VRK2: variants seen among roughly 807,000 people sequenced by gnomAD.
VRK2 encodes VRK serine/threonine kinase 2.
VRK2 carries 60 observed loss-of-function variants against 57.6 expected under a neutral mutation model. That is an observed-to-expected ratio of 1.04 (90% CI 0.85 to 1.29). The LOEUF is 1.29. Among genes scored for constraint, VRK2 ranks in the 50% most tolerant of loss-of-function variants. The pLI, the probability that VRK2 is intolerant of heterozygous loss-of-function variation, is 0.00. For synonymous variants in VRK2, 231 were observed against 199.2 expected (o/e 1.16, Z -1.35); for missense variants, 705 against 588.1 (o/e 1.20, Z -2.06).
intron 1 of VRK2, among the ~76,000 whole-genome samples, chr2:57,961,929 T>C (rs1671774010): frequency 1.3e-5 from 2 of 151,902 alleles, no homozygotes; most frequent in African/African-American, 2.4e-5. Context: ...AGACAAAAAT[T>C]AGCTGGGCAC....
intron 1 of VRK2, among the ~76,000 whole-genome samples, chr2:57,923,138 T>C (rs1324098110): frequency 2.0e-5 from 3 of 152,074 alleles, no homozygotes; most frequent in Non-Finnish European, 4.4e-5. Context: ...GACACTTAGG[T>C]TGCTTCCAAA....
rs1680549626 is a variant in VRK2 at position 58,137,202 on chromosome 2, C to CATATATATGATACATGTA, written c.856+2003_856+2004insATATATATGATACATGTA. On this transcript the variant is annotated intron_variant, in intron 10 of 12. Coordinates refer to ENST00000340157, the MANE Select transcript of VRK2 (RefSeq NM_006296.7). The stretch of plus-strand genomic sequence containing the variant: ...TATATCATATATGATACATATATAT[C>CATATATATGATACATGTA]TCATATATGATACATATATATCATA... Among the ~76,000 whole-genome samples, 29 of 27,348 alleles carry CATATATATGATACATGTA rather than the reference C, an allele frequency of 1.1e-3. 1 individual carries two copies. The highest frequency in any genetic ancestry group is 4.5e-3 in the African/African-American group (26 of 5,842). 17.9% of individuals were successfully genotyped at this position (27,348 alleles called of 152,430 possible).
At chr2:57,988,096 T>G (rs1460686428) in intron 1 of VRK2, among the ~76,000 whole-genome samples, 1 of 152,158 alleles carries the variant, frequency 6.6e-6, no homozygotes, top group Non-Finnish European at 1.5e-5. Flanking sequence ...GTTACACAAC[T>G]GTACATATCT....
At chr2:57,995,481 T>A (rs1026126250) in intron 1 of VRK2, among the ~76,000 whole-genome samples, 4 of 152,354 alleles carry the variant, frequency 2.6e-5, no homozygotes, top group Non-Finnish European at 5.9e-5. Context: ...ATAGTTTCAT[T>A]TCATTCATTA....
chr2:58,114,216 G>A (rs542370148), intron 7 of VRK2, among the ~76,000 whole-genome samples: 1 of 152,280 alleles, frequency 6.6e-6, no homozygotes, highest in African/African-American at 2.4e-5. Flanking sequence ...ATTAGAGAGT[G>A]CCTAAGGAGA....
Position 57,969,454 on chromosome 2 carries a change from T to A in VRK2, c.-438-56211T>A, listed in dbSNP as rs1280470619. 6.6e-5 allele frequency among the ~76,000 whole-genome samples: 10 copies of A among 152,018 alleles called. No homozygotes were observed. In the East Asian group the frequency reaches 9.6e-4, roughly 15 times the overall value. ...TTATTTTTTATTTACACTTTTAATT[T>A]AAAAAAATAACAATTTAGAAGAATA... On this transcript the variant is annotated intron_variant, in intron 1 of 15. Transcript: ENST00000417641.
Position 58,086,397 on chromosome 2 carries a change from A to G in VRK2, c.315A>G (p.Gly105=), listed in dbSNP as rs768044042. ...LDYLGIPLFY[G]SGLTEFKGRS... ...ATTTAGGAATTCCTCTGTTTTATGG[A>G]TCTGGTCTGACTGAATTCAAGGGAA... is the stretch of plus-strand genomic sequence containing the variant. The change falls in exon 5 of 13, where the codon GGA becomes GGG. Residue 105 remains glycine (G), a synonymous_variant. Transcript: ENST00000340157. 1.2e-6 allele frequency: 2 copies of G among 1,603,610 alleles called. No individual in the cohort carries two copies. The highest frequency in any genetic ancestry group is 3.5e-5 in the Admixed American group (2 of 57,374).
chr2:58,086,083 A>G (rs1297497218), intron 4 of VRK2, among the ~76,000 whole-genome samples: 2 of 151,432 alleles, frequency 1.3e-5, no homozygotes, highest in African/African-American at 2.4e-5. Context: ...ATAGATTGAA[A>G]CATTAATATA....
chr2:58,043,974 C>G (rs1163064597), upstream of VRK2, among the ~76,000 whole-genome samples: 1 of 152,040 alleles, frequency 6.6e-6, no homozygotes, highest in African/African-American at 2.4e-5. Context: ...ATTTTTTATA[C>G]TTTATAAGTG....
chr2:58,143,890 A>G (rs543606585), intron 11 of VRK2, among the ~76,000 whole-genome samples: 2 of 151,844 alleles, frequency 1.3e-5, no homozygotes, highest in Non-Finnish European at 2.9e-5. Flanking sequence ...TTGTGGTTAT[A>G]GAACACATTT....
chr2:57,962,374 A>G (rs1671787656), intron 1 of VRK2, among the ~76,000 whole-genome samples: 1 of 151,162 alleles, frequency 6.6e-6, no homozygotes, highest in South Asian at 2.1e-4. Context: ...TTTCTGACCA[A>G]CTCTGCCCCA....
chr2:58,036,806 C>G (rs1464341822), intron 3 of VRK2, among the ~76,000 whole-genome samples: 1 of 151,964 alleles, frequency 6.6e-6, no homozygotes, highest in African/African-American at 2.4e-5. Flanking sequence ...CAACATAACT[C>G]TCTATAATGA....
intron 12 of VRK2, among the ~76,000 whole-genome samples, chr2:58,154,012 G>C (rs1003900602): frequency 1.3e-5 from 2 of 152,054 alleles, no homozygotes; most frequent in East Asian, 3.9e-4. Context: ...TTCATCTTGA[G>C]TTAGTTTTGG....
At chr2:58,060,442 A>G (rs1264138309) in intron 2 of VRK2, among the ~76,000 whole-genome samples, 2 of 151,832 alleles carry the variant, frequency 1.3e-5, no homozygotes, top group African/African-American at 2.4e-5. Flanking sequence ...AGGGAGTTAA[A>G]TTTATAAATG....
rs536973892 is a variant in VRK2 at position 57,935,484 on chromosome 2, T to C, written c.-439+27645T>C. Among the ~76,000 whole-genome samples, 7 of 152,318 alleles carry C rather than the reference T, an allele frequency of 4.6e-5. No individual in the cohort carries two copies. The South Asian group carries it at 1.0e-3, about 23-fold the overall frequency. On this transcript the variant is annotated intron_variant, in intron 1 of 15. Coordinates refer to the VRK2 transcript ENST00000417641. The stretch of plus-strand genomic sequence containing the variant: ...GTAGGGTCAAATCATCTGTGTGAGA[T>C]GCTTGCTTTTCCTATCCTTAGGTAT...
chr2:57,992,157 C>A (rs1460255184), intron 1 of VRK2, among the ~76,000 whole-genome samples: 2 of 152,010 alleles, frequency 1.3e-5, no homozygotes, highest in African/African-American at 4.8e-5. Context: ...TTTAGGGTGG[C>A]AATAATTAGT....
At chr2:58,057,673 C>T (rs1452557689) in intron 2 of VRK2, among the ~76,000 whole-genome samples, 2 of 152,020 alleles carry the variant, frequency 1.3e-5, no homozygotes, top group African/African-American at 2.4e-5. Flanking sequence ...GTAAGCACAA[C>T]GTTAACAGAA....
At chr2:58,091,437 T>G (rs1053306578) in intron 7 of VRK2, among the ~76,000 whole-genome samples, 35 of 152,026 alleles carry the variant, frequency 2.3e-4, no homozygotes, top group Admixed American at 1.2e-3. Flanking sequence ...ATTTTTAATA[T>G]TAAAATATTA....
chr2:57,931,135 A>AT lies in VRK2; in HGVS notation c.-439+23305dup, dbSNP rs961535349. Among the ~76,000 whole-genome samples the AT allele has an allele frequency of 6.8e-4, 103 of 151,558 alleles. 2 individuals are homozygous for AT. Among genetic ancestry groups the AT allele is most frequent in the African/African-American group, 2.1e-3 (85 of 41,318 alleles). ...ATGTGGGTATCTTTTCAGGATAGTG[A>AT]TTTTTTTTTGTACGTATACCCAGTA... is the stretch of plus-strand genomic sequence containing the variant. On this transcript the variant is annotated intron_variant, in intron 1 of 15. Transcript: ENST00000417641.
Sources: allele counts gnomAD v4.1 joint callset (sites outside exome capture counted in the v4.1 genomes callset), GRCh38; gene constraint gnomAD v4.1.1; transcripts MANE v1.5; gene names NCBI Gene and HGNC (gene_info 2026-07-23, HGNC 2026-07-21).